Variants in SYTL2 observed in about 807,000 individuals in gnomAD.
The protein encoded by SYTL2 is synaptotagmin-like protein 2.
SYTL2 carries 165 observed loss-of-function variants against 198.7 expected under a neutral mutation model. The observed-to-expected ratio is 0.83, with a 90% CI of 0.73 to 0.94. The LOEUF (loss-of-function observed/expected upper bound fraction) is 0.94. SYTL2 is among the 40% of genes least tolerant of loss of function. The probability of loss-of-function intolerance (pLI) is 0.00; values close to 1 mark genes in which losing one functional copy is unlikely to be tolerated. For synonymous variants in SYTL2, 966 were observed against 917.7 expected (o/e 1.05, Z -0.95); for missense variants, 2,835 against 2,582.8 (o/e 1.10, Z -2.12).
upstream of SYTL2, chr11:85,811,278 C>T (rs1337478335): frequency 2.6e-5 from 4 of 151,730 alleles, no homozygotes; most frequent in East Asian, 7.8e-4. Context: ...GGCCTCCTCG[C>T]CCGGCACACA....
intron 7 of SYTL2, among the ~76,000 whole-genome samples, chr11:85,731,407 C>T (rs761165112): frequency 3.9e-5 from 6 of 152,158 alleles, no homozygotes; most frequent in African/African-American, 1.4e-4. Flanking sequence ...TGGGACAGAA[C>T]AGAGGCCTCA....
chr11:85,737,624 A>G lies in SYTL2; in HGVS notation c.422T>C (p.Ile141Thr), dbSNP rs1290683444. The change falls in exon 5 of 20, where the codon ATT becomes ACT. Residue 141 changes from isoleucine (I) to threonine (T), a missense_variant. Physicochemically the swap from Ile to Thr is moderately conservative, Grantham distance 89. Around this residue, in one of 3 missense-constraint regions of SYTL2, gnomAD observed 2,645 missense variants for 2,381.7 expected, o/e 1.11. Transcript: ENST00000359152. ...SSVVNPASSV[I>T]DMSQENTRKP... ...CCTTGTGTTTTCCTGGGACATATCA[A>G]TCACACTGGAAGCTGGATTTACCAC... 1.2e-6 allele frequency: 2 copies of G among 1,613,940 alleles called. No individual in the cohort carries two copies. The highest frequency in any genetic ancestry group is 1.1e-5 in the South Asian group (1 of 91,080).
At chr11:85,781,381 G>T (rs1452146274) in intron 1 of SYTL2, among the ~76,000 whole-genome samples, 1 of 152,024 alleles carries the variant, frequency 6.6e-6, no homozygotes, top group Admixed American at 6.5e-5. Context: ...AGCACACAGG[G>T]ATTATGAGAA....
In SYTL2 at chr11:85,734,123, T is replaced by C. The variant is rs2090108667; in HGVS notation, c.1206A>G (p.Val402=). The part of the protein sequence containing the change: ...LFHQSTSSPY[V]SKSETHQPMT... The stretch of plus-strand genomic sequence containing the variant: ...TTGGCTGATGTGTTTCACTTTTTGA[T>C]ACATATGGGCTTGAGGTTGATTGAT... Residue 402 remains valine, a synonymous_variant, in exon 7 of 20, where the codon GTA becomes GTG. Coordinates refer to ENST00000359152, the MANE Select transcript of SYTL2 (RefSeq NM_206927.4). 6.2e-6 allele frequency: 10 copies of C among 1,614,202 alleles called. No individual in the cohort carries two copies. The highest frequency in any genetic ancestry group is 8.5e-6 in the Non-Finnish European group (10 of 1,180,012).
rs759149192 is a variant in SYTL2 at position 85,727,029 on chromosome 11, C to T, written c.2329G>A (p.Gly777Ser). Reference protein sequence around the residue: ...KPEVQFQQEAGEVPKNQVQRE... With the variant: ...KPEVQFQQEASEVPKNQVQRE... The stretch of plus-strand genomic sequence containing the variant: ...TGCACTTGGTTCTTGGGAACCTCAC[C>T]AGCTTCTTGCTGGAATTGGACCTCA... The change falls in exon 8 of 20, where the codon GGT (glycine) becomes AGT (serine). Residue 777 changes from glycine (G) to serine (S), a missense_variant. Around this residue, in one of 3 missense-constraint regions of SYTL2, gnomAD observed 2,645 missense variants for 2,381.7 expected, o/e 1.11. Transcript: ENST00000359152. 4 of 1,536,446 alleles carry T rather than the reference C, an allele frequency of 2.6e-6. No individual in the cohort carries two copies. The highest frequency in any genetic ancestry group is 8.7e-7 in the Non-Finnish European group (1 of 1,146,962).
intron 4 of SYTL2, among the ~76,000 whole-genome samples, chr11:85,738,759 T>C (rs2090557065): frequency 6.6e-6 from 1 of 152,194 alleles, no homozygotes; most frequent in African/African-American, 2.4e-5. Flanking sequence ...ATAATCTTCC[T>C]TAGTAAATAA....
At chr11:85,714,289 G>C (rs1310856720) in intron 12 of SYTL2, 124 bp downstream of exon 12, 3 of 727,372 alleles carry the variant, frequency 4.1e-6, no homozygotes, top group Non-Finnish European at 7.0e-6. Flanking sequence ...TGACTTGAAA[G>C]GCAAGGGCCA....
chr11:85,776,581 A>T (rs780834750), intron 1 of SYTL2, among the ~76,000 whole-genome samples: 4 of 152,110 alleles, frequency 2.6e-5, no homozygotes, highest in Non-Finnish European at 5.9e-5. Context: ...ACATGAACTC[A>T]TCCCTTTTTT....
intron 14 of SYTL2, among the ~76,000 whole-genome samples, chr11:85,708,625 G>T (rs912922778): frequency 6.6e-6 from 1 of 152,046 alleles, no homozygotes; most frequent in African/African-American, 2.4e-5. Context: ...TATGAAGTGT[G>T]TCCCATGTAT....
chr11:85,852,227 C>A, the SYTL2 span, among the ~76,000 whole-genome samples: 6 of 152,232 alleles, frequency 3.9e-5, no homozygotes, highest in African/African-American at 1.2e-4. Flanking sequence ...AGGTGACTTA[C>A]GAAGGGAGCA....
At chr11:85,845,463 G>C in the SYTL2 span, among the ~76,000 whole-genome samples, 4 of 152,152 alleles carry the variant, frequency 2.6e-5, no homozygotes, top group East Asian at 5.8e-4. Context: ...AAACTAATTA[G>C]TTTAAAACAA....
chr11:85,848,852 T>A, the SYTL2 span, among the ~76,000 whole-genome samples: 1 of 152,032 alleles, frequency 6.6e-6, no homozygotes, highest in Non-Finnish European at 1.5e-5. Context: ...AAAGAGATCA[T>A]AAGAGTAATT....
chr11:85,846,671 C>T, the SYTL2 span, among the ~76,000 whole-genome samples: 17 of 151,386 alleles, frequency 1.1e-4, no homozygotes, highest in African/African-American at 3.9e-4. Context: ...AGGTGATCCA[C>T]GCACCTCAGC....
chr11:85,796,226 T>TTTTC (rs750167043), intron 1 of SYTL2, among the ~76,000 whole-genome samples: 1 of 152,294 alleles, frequency 6.6e-6, no homozygotes, highest in African/African-American at 2.4e-5. Context: ...CAAGTCTAAT[T>TTTTC]TTTCTTATCT....
chr11:85,698,085 T>C lies in SYTL2; in HGVS notation c.6269-7A>G, dbSNP rs749683248. The C allele has an allele frequency of 9.4e-6, 15 of 1,602,854 alleles. No individual in the cohort carries two copies. The Middle Eastern group carries it at 5.0e-4, about 53-fold the overall frequency. On this transcript the variant is annotated splice_polypyrimidine_tract_variant and splice_region_variant and intron_variant, in intron 17 of 19. Coordinates refer to ENST00000359152, the MANE Select transcript of SYTL2 (RefSeq NM_206927.4). Reference sequence around the variant, plus strand: ...GTTGTAGGAAGCTTTTTACCTACAATAGAAAAAGAAGAGAAAATTTTCACT... The same window carrying C: ...GTTGTAGGAAGCTTTTTACCTACAACAGAAAAAGAAGAGAAAATTTTCACT...
chr11:85,835,244 T>C, the SYTL2 span, among the ~76,000 whole-genome samples: 4 of 152,344 alleles, frequency 2.6e-5, no homozygotes, highest in East Asian at 1.9e-4. Flanking sequence ...TTATTAAATA[T>C]ACCATTCCTT....
chr11:85,833,338 A>C, the SYTL2 span, among the ~76,000 whole-genome samples: 3 of 148,258 alleles, frequency 2.0e-5, no homozygotes, highest in Non-Finnish European at 4.5e-5. Flanking sequence ...TATCATATAT[A>C]TCATATATAT....
At chr11:85,820,268 C>A in the SYTL2 span, among the ~76,000 whole-genome samples, 1 of 151,676 alleles carries the variant, frequency 6.6e-6, no homozygotes, top group Non-Finnish European at 1.5e-5. Context: ...ATAATTTGAA[C>A]AACGATTTAA....
intron 1 of SYTL2, among the ~76,000 whole-genome samples, chr11:85,805,712 A>C (rs924498124): frequency 2.0e-5 from 3 of 152,222 alleles, no homozygotes; most frequent in Non-Finnish European, 2.9e-5. Context: ...TGCTTCTGCA[A>C]GGGAAAAAAA....
Sources: allele counts gnomAD v4.1 joint callset (sites outside exome capture counted in the v4.1 genomes callset), GRCh38; gene constraint gnomAD v4.1.1; regional missense constraint gnomAD v4.1.1; transcripts MANE v1.5; gene names NCBI Gene and HGNC (gene_info 2026-07-23, HGNC 2026-07-21).